The following TMEM120B variants were observed in gnomAD, a reference collection of about 807,000 sequenced individuals.
TMEM120B encodes the protein transmembrane protein 120B.
In TMEM120B, 31 loss-of-function variants were observed where a neutral mutation model predicts 55.5. The ratio of observed to expected loss-of-function variants is 0.56; its 90% confidence interval spans 0.42 to 0.75. The LOEUF (loss-of-function observed/expected upper bound fraction) is 0.75. TMEM120B is among the 30% of genes least tolerant of loss of function. The pLI is 0.00. For synonymous variants in TMEM120B, 203 were observed against 176.3 expected, an observed-to-expected ratio of 1.15 and a Z score of -1.20; for missense variants, 399 against 425.5, an observed-to-expected ratio of 0.94 and a Z score of 0.55.
chr12:121,757,539 CAG>C (rs1315999075), intron 5 of TMEM120B, among the ~76,000 whole-genome samples: 1 of 147,522 alleles, frequency 6.8e-6, no homozygotes, highest in African/African-American at 2.5e-5. Flanking sequence ...TTTTTTGAGA[CAG>C]AGTCTTGCTT....
rs781387759 is a variant in TMEM120B, at chr12:121,779,670, G to T, written c.*3948G>T. ...TTCGCAGGCGCTCAGGCCCTGGGTG[G>T]GGGGAGGAGCCAGCATTAGGTGAGG... On this transcript the variant is annotated 3_prime_UTR_variant, in exon 12 of 12. Coordinates refer to ENST00000449592, the MANE Select transcript of TMEM120B (RefSeq NM_001080825.2). 4.3e-6 allele frequency: 7 copies of T among 1,613,556 alleles called. No homozygotes were observed. The Middle Eastern group carries it at 9.9e-4, about 228-fold the overall frequency.
intron 10 of TMEM120B, 125 bp from the exon 11 acceptor site, chr12:121,774,937 G>T: frequency 1.7e-6 from 2 of 1,152,506 alleles, no homozygotes; most frequent in Non-Finnish European, 2.6e-6. Context: ...CATTTTGGGG[G>T]TGTCTGTCAG....
At chr12:121,770,178 A>G (rs1873991872) in intron 6 of TMEM120B, among the ~76,000 whole-genome samples, 1 of 152,062 alleles carries the variant, frequency 6.6e-6, no homozygotes, top group African/African-American at 2.4e-5. Context: ...GGAAGTCTAG[A>G]ATGGAGGTAC....
chr12:121,722,934 C>A (rs1006467475), intron 1 of TMEM120B, among the ~76,000 whole-genome samples: 1 of 150,828 alleles, frequency 6.6e-6, no homozygotes, highest in Non-Finnish European at 1.5e-5. Flanking sequence ...CTGCAACCTC[C>A]GCCTCCCGGG....
chr12:121,749,591 C>T (rs1288547762), intron 3 of TMEM120B, among the ~76,000 whole-genome samples: 1 of 152,060 alleles, frequency 6.6e-6, no homozygotes, highest in Non-Finnish European at 1.5e-5. Flanking sequence ...GGTGGGAGGA[C>T]TACTTGAGCC....
At position 121,723,071 on chromosome 12, in the gene TMEM120B, C is replaced by T. The variant is rs532056460; in HGVS notation, c.69+10107C>T. On this transcript the variant is annotated intron_variant, in intron 1 of 11. Coordinates refer to ENST00000449592, the MANE Select transcript of TMEM120B (RefSeq NM_001080825.2). Reference sequence around the variant, plus strand: ...CCATGTTAGTCAGGCTGGTCTCAAACTCCTGACCTCAGGTGATCCGCCTGC... The same window carrying T: ...CCATGTTAGTCAGGCTGGTCTCAAATTCCTGACCTCAGGTGATCCGCCTGC... Among the ~76,000 whole-genome samples, 3 of 152,204 alleles carry T rather than the reference C, an allele frequency of 2.0e-5. 1 individual carries two copies. The South Asian group carries it at 6.2e-4, about 32-fold the overall frequency.
chr12:121,740,399 G>A (rs370896171), intron 1 of TMEM120B, among the ~76,000 whole-genome samples: 9 of 151,862 alleles, frequency 5.9e-5, no homozygotes, highest in African/African-American at 1.7e-4. Context: ...CAGGAGAATC[G>A]CTTGAACCCG....
chr12:121,780,721 A>G lies in TMEM120B; in HGVS notation c.*4999A>G. 3 of 875,294 alleles carry G rather than the reference A, an allele frequency of 3.4e-6. No individual in the cohort carries two copies. The highest frequency in any genetic ancestry group is 5.1e-6 in the Non-Finnish European group (3 of 586,328). 54.2% of individuals were successfully genotyped at this position (875,294 alleles called of 1,614,324 possible). ...AGTCGTGTAAAGTGCTCAGGTCCAC[A>G]GGCCATCAATACTAATAGTTAAAAA... On this transcript the variant is annotated 3_prime_UTR_variant, in exon 12 of 12. Coordinates refer to ENST00000449592, the MANE Select transcript of TMEM120B (RefSeq NM_001080825.2).
chr12:121,729,945 G>C (rs1894965676), intron 1 of TMEM120B, among the ~76,000 whole-genome samples: 1 of 152,042 alleles, frequency 6.6e-6, no homozygotes, highest in South Asian at 2.1e-4. Flanking sequence ...CGTCCATATA[G>C]TGGACTACTA....
At chr12:121,718,603 C>T (rs1042159803) in intron 1 of TMEM120B, among the ~76,000 whole-genome samples, 1 of 152,074 alleles carries the variant, frequency 6.6e-6, no homozygotes, top group Non-Finnish European at 1.5e-5. Context: ...AGTCATGGAG[C>T]CAGAATTCGA....
At chr12:121,754,663 A>C (rs1438309062) in intron 5 of TMEM120B, among the ~76,000 whole-genome samples, 3 of 152,318 alleles carry the variant, frequency 2.0e-5, no homozygotes, top group Non-Finnish European at 4.4e-5. Context: ...CCCTAGTGTA[A>C]GGACACTAGA....
intron 3 of TMEM120B, among the ~76,000 whole-genome samples, chr12:121,749,905 C>CAAA (rs112189031): frequency 1.3e-5 from 1 of 79,840 alleles, no homozygotes. Context: ...GACTCTGTCT[C>CAAA]AAAAAAAAAA....
At chr12:121,759,186 T>C (rs1481084303) in intron 5 of TMEM120B, among the ~76,000 whole-genome samples, 1 of 150,750 alleles carries the variant, frequency 6.6e-6, no homozygotes, top group African/African-American at 2.4e-5. Flanking sequence ...GTGCTGGGAT[T>C]ACAGGCGTGA....
Position 121,777,900 on chromosome 12 carries a change from A to G in TMEM120B, c.*2178A>G, listed in dbSNP as rs1472888775. ...AACTCCTTGGTTGATTCCCCAGGGTACGGCAGGGCCTTGGGAACCTGGGTG... is the reference window on the plus strand; with the variant it reads ...AACTCCTTGGTTGATTCCCCAGGGTGCGGCAGGGCCTTGGGAACCTGGGTG... On this transcript the variant is annotated 3_prime_UTR_variant, in exon 12 of 12. Coordinates refer to ENST00000449592, the MANE Select transcript of TMEM120B (RefSeq NM_001080825.2). 6.6e-6 allele frequency: 1 copy of G among 152,210 alleles called. No individual in the cohort carries two copies. The highest frequency in any genetic ancestry group is 1.5e-5 in the Non-Finnish European group (1 of 68,028). 9.4% of individuals were successfully genotyped at this position (152,210 alleles called of 1,614,324 possible).
intron 6 of TMEM120B, among the ~76,000 whole-genome samples, chr12:121,765,941 G>GT (rs532825228): frequency 7.2e-5 from 11 of 152,106 alleles, no homozygotes; most frequent in Non-Finnish European, 1.6e-4. Context: ...ATGAACTCTA[G>GT]TTTCTCATCC....
intron 5 of TMEM120B, among the ~76,000 whole-genome samples, chr12:121,760,156 A>G (rs1375234547): frequency 6.8e-6 from 1 of 146,460 alleles, no homozygotes; most frequent in Non-Finnish European, 1.5e-5. Context: ...AAAAAAAATT[A>G]GCTGGGTGTG....
In TMEM120B at chr12:121,779,411, G is replaced by T; in HGVS notation, c.*3689G>T. The T allele has an allele frequency of 7.1e-7, 1 of 1,411,054 alleles. No homozygotes were observed. Among genetic ancestry groups the T allele is most frequent in the South Asian group, 1.2e-5 (1 of 81,718 alleles). 87.4% of individuals were successfully genotyped at this position (1,411,054 alleles called of 1,614,324 possible). On this transcript the variant is annotated 3_prime_UTR_variant, in exon 12 of 12. Transcript: ENST00000449592. ...AGGCCCCAGACACCATGAGCTGGAG[G>T]GTCGGGATGGGGCAGCCTCCCTGGT...
intron 1 of TMEM120B, among the ~76,000 whole-genome samples, chr12:121,733,487 G>T (rs1002444718): frequency 1.3e-5 from 2 of 149,868 alleles, no homozygotes; most frequent in Non-Finnish European, 3.0e-5. Context: ...CTCATGATCC[G>T]CCCGCCTCGG....
intron 1 of TMEM120B, among the ~76,000 whole-genome samples, chr12:121,714,405 G>A (rs1348824029): frequency 2.0e-5 from 3 of 151,782 alleles, no homozygotes; most frequent in East Asian, 1.9e-4. Flanking sequence ...ACGGGTGTGC[G>A]CCACCGTGCC....
Sources: gnomAD v4.1 joint callset for allele counts (sites outside exome capture counted in the v4.1 genomes callset) on GRCh38, gnomAD v4.1.1 for gene constraint, MANE v1.5 for transcripts, NCBI Gene and HGNC (gene_info 2026-07-23, HGNC 2026-07-21) for gene names.